The following MCCC2 variants were observed in gnomAD, a reference collection of about 807,000 sequenced individuals.
MCCC2 encodes the protein methylcrotonoyl-CoA carboxylase beta chain, mitochondrial.
In MCCC2, 52 loss-of-function variants were observed where a neutral mutation model predicts 77.2. That is an observed-to-expected ratio of 0.67 (90% CI 0.54 to 0.85). The LOEUF is 0.85. Among genes scored for constraint, MCCC2 ranks in the 40% least tolerant of loss-of-function variants. MCCC2 has a pLI of 0.00. For missense variants in MCCC2, 682 were observed against 703.2 expected, an observed-to-expected ratio of 0.97 and a Z score of 0.34; for synonymous variants, 253 against 248.4, an observed-to-expected ratio of 1.02 and a Z score of -0.18.
At chr5:71,651,486 T>C (rs1747436851) in intron 15 of MCCC2, among the ~76,000 whole-genome samples, 1 of 152,216 alleles carries the variant, frequency 6.6e-6, no homozygotes, top group Non-Finnish European at 1.5e-5. Context: ...AAGATGATGG[T>C]TGTGTGTTCC....
Position 71,643,810 on chromosome 5 carries a change from T to A in MCCC2, c.1073-9T>A. The A allele has an allele frequency of 1.2e-6, 2 of 1,614,144 alleles. No homozygotes were observed. Among genetic ancestry groups the A allele is most frequent in the Non-Finnish European group, 1.7e-6 (2 of 1,180,018 alleles). On this transcript the variant is annotated splice_polypyrimidine_tract_variant and intron_variant, in intron 11 of 16. Coordinates refer to ENST00000340941, the MANE Select transcript of MCCC2 (RefSeq NM_022132.5). ...CAAGACATAAATCTTCTTTGAACTT[T>A]CTTTTGAGGATTTGCTCGAATATTT... is the stretch of plus-strand genomic sequence containing the variant.
At chr5:71,604,676 A>T (rs1463298525) in intron 6 of MCCC2, among the ~76,000 whole-genome samples, 1 of 151,574 alleles carries the variant, frequency 6.6e-6, no homozygotes, top group Non-Finnish European at 1.5e-5. Context: ...GGTGCGCTGC[A>T]CCCACTAAAT....
Position 71,602,558 on chromosome 5 carries a change from T to C in MCCC2, c.436T>C (p.Tyr146His). The change falls in exon 5 of 17, where the codon TAC becomes CAC. Residue 146 changes from tyrosine (Y) to histidine (H), a missense_variant. By Grantham distance (83) the Tyr-to-His change is moderately conservative (BLOSUM62 2). Transcript: ENST00000340941. Reference protein sequence around the residue: ...NDATVKGGAYYPVTVKKQLRA... With the variant: ...NDATVKGGAYHPVTVKKQLRA... ...TGCCACCGTCAAAGGAGGTGCCTACTACCCAGTGACTGTGAAAAAACAATT... is the reference window on the plus strand; with the variant it reads ...TGCCACCGTCAAAGGAGGTGCCTACCACCCAGTGACTGTGAAAAAACAATT... The C allele has an allele frequency of 6.2e-7, 1 of 1,614,202 alleles. No homozygotes were observed. The highest frequency in any genetic ancestry group is 8.5e-7 in the Non-Finnish European group (1 of 1,180,026).
intron 4 of MCCC2, 88 bp downstream of exon 4, chr5:71,599,848 C>A: frequency 9.6e-7 from 1 of 1,042,276 alleles, no homozygotes; most frequent in Non-Finnish European, 1.5e-6. Flanking sequence ...TGCATATTAG[C>A]ATGCGATTTG....
chr5:71,608,525 T>G (rs1485371237), intron 6 of MCCC2, among the ~76,000 whole-genome samples: 1 of 150,656 alleles, frequency 6.6e-6, no homozygotes, highest in Non-Finnish European at 1.5e-5. Flanking sequence ...CTTGACTCTT[T>G]ATCCAGTTTG....
intron 6 of MCCC2, among the ~76,000 whole-genome samples, chr5:71,619,373 C>T (rs575021319): frequency 6.6e-6 from 1 of 152,100 alleles, no homozygotes; most frequent in East Asian, 1.9e-4. Context: ...CCTGCCTCAG[C>T]CTCCCAAGTG....
chr5:71,635,230 G>A lies in MCCC2; in HGVS notation c.983G>A (p.Ser328Asn), dbSNP rs1488272912. The A allele has an allele frequency of 1.2e-6, 2 of 1,614,024 alleles. No individual in the cohort carries two copies. Among genetic ancestry groups the A allele is most frequent in the African/African-American group, 2.7e-5 (2 of 74,940 alleles). Reference protein sequence around the residue: ...YGIVGANLKRSFDVREVIARI... With the variant: ...YGIVGANLKRNFDVREVIARI... Reference sequence around the variant, plus strand: ...ATAGTTGGTGCTAACCTTAAGAGGAGCTTTGATGTCCGAGAGGTATGTGAA... The same window carrying A: ...ATAGTTGGTGCTAACCTTAAGAGGAACTTTGATGTCCGAGAGGTATGTGAA... The change falls in exon 10 of 17, where the codon AGC becomes AAC. Residue 328 changes from serine to asparagine, a missense_variant. By Grantham distance (46) the Ser-to-Asn change is conservative. Transcript: ENST00000340941.
At chr5:71,641,849 T>A (rs982069002) in intron 11 of MCCC2, among the ~76,000 whole-genome samples, 2 of 152,202 alleles carry the variant, frequency 1.3e-5, no homozygotes, top group African/African-American at 4.8e-5. Flanking sequence ...TAAGGATAAA[T>A]CACAGTACTT....
At chr5:71,654,930 G>A (rs1199528742) in intron 16 of MCCC2, among the ~76,000 whole-genome samples, 2 of 151,868 alleles carry the variant, frequency 1.3e-5, no homozygotes, top group Non-Finnish European at 2.9e-5. Flanking sequence ...CGCCTCCTGG[G>A]TTCAAGGGAT....
intron 15 of MCCC2, 38 bp from the exon 16 acceptor site, chr5:71,652,631 C>A: frequency 6.5e-7 from 1 of 1,531,482 alleles, no homozygotes; most frequent in South Asian, 1.1e-5. Context: ...GCCAGTTGTT[C>A]ACTGAAGCTG....
intron 6 of MCCC2, among the ~76,000 whole-genome samples, chr5:71,611,146 A>G (rs1455029790): frequency 6.6e-6 from 1 of 152,238 alleles, no homozygotes; most frequent in Non-Finnish European, 1.5e-5. Flanking sequence ...TGTGCCTGAA[A>G]TCCCAGCACT....
chr5:71,642,218 G>A (rs1747139912), intron 11 of MCCC2, among the ~76,000 whole-genome samples: 1 of 147,476 alleles, frequency 6.8e-6, no homozygotes, highest in Middle Eastern at 3.5e-3. Context: ...GTGAGAAGGA[G>A]AAGAAGGGAA....
At chr5:71,622,056 A>G (rs1427552007) in intron 6 of MCCC2, among the ~76,000 whole-genome samples, 2 of 151,988 alleles carry the variant, frequency 1.3e-5, no homozygotes, top group East Asian at 3.9e-4. Context: ...TCAAGGTGGG[A>G]GGATCGCTTG....
intron 6 of MCCC2, among the ~76,000 whole-genome samples, chr5:71,615,451 T>C (rs1194730518): frequency 6.6e-6 from 1 of 152,124 alleles, no homozygotes; most frequent in African/African-American, 2.4e-5. Flanking sequence ...GGTGCCCTTA[T>C]TTATTTATTT....
Position 71,632,111 on chromosome 5 carries a change from C to T in MCCC2, c.739-10C>T. The T allele has an allele frequency of 1.9e-6, 3 of 1,613,776 alleles. No individual in the cohort carries two copies. The highest frequency in any genetic ancestry group is 2.5e-6 in the Non-Finnish European group (3 of 1,179,758). Reference sequence around the variant, plus strand: ...ACCGATTTCACTGATGATTTTTATCCTTGTTGTAGGTTAAAGCGGCAACTG... The same window carrying T: ...ACCGATTTCACTGATGATTTTTATCTTTGTTGTAGGTTAAAGCGGCAACTG... On this transcript the variant is annotated splice_polypyrimidine_tract_variant and intron_variant, in intron 7 of 16. Transcript: ENST00000340941.
At chr5:71,598,231 C>T (rs1745269669) in intron 3 of MCCC2, among the ~76,000 whole-genome samples, 1 of 151,046 alleles carries the variant, frequency 6.6e-6, no homozygotes, top group Admixed American at 6.6e-5. Flanking sequence ...CCACCATGCC[C>T]AGCTAATTTT....
At chr5:71,629,893 G>C (rs1274286346) in intron 7 of MCCC2, among the ~76,000 whole-genome samples, 2 of 151,992 alleles carry the variant, frequency 1.3e-5, no homozygotes, top group African/African-American at 4.8e-5. Flanking sequence ...TTTATTTTTT[G>C]ACTAGAAAAT....
chr5:71,654,837 A>AT (rs201819772), intron 16 of MCCC2, among the ~76,000 whole-genome samples: 313 of 140,562 alleles, frequency 2.2e-3, no homozygotes, highest in African/African-American at 3.1e-3. Context: ...GGATCTGTAG[A>AT]TTTTTTTTTT....
chr5:71,643,899 A>G lies in MCCC2; in HGVS notation c.1149+4A>G, dbSNP rs1747202509. 1.2e-6 allele frequency: 2 copies of G among 1,613,916 alleles called. No homozygotes were observed. Among genetic ancestry groups the G allele is most frequent in the Admixed American group, 1.7e-5 (1 of 59,998 alleles). On this transcript the variant is annotated splice_donor_region_variant and intron_variant, in intron 12 of 16. Coordinates refer to ENST00000340941, the MANE Select transcript of MCCC2 (RefSeq NM_022132.5). ...CTTTTCTGAATCTGCAAAAAAGGCA[A>G]GTACTGTTAAAAATATTTCAAGATT... is the stretch of plus-strand genomic sequence containing the variant.
Sources: gnomAD v4.1 joint callset for allele counts (sites outside exome capture counted in the v4.1 genomes callset) on GRCh38, gnomAD v4.1.1 for gene constraint, MANE v1.5 for transcripts, NCBI Gene and HGNC (gene_info 2026-07-23, HGNC 2026-07-21) for gene names.